Variants in RBFOX1 observed in about 807,000 individuals in gnomAD.
RBFOX1 encodes RNA binding fox-1 homolog 1.
RBFOX1 carries 8 observed loss-of-function variants against 57.7 expected under a neutral mutation model. The ratio of observed to expected loss-of-function variants is 0.14; its 90% CI spans 0.08 to 0.25. RBFOX1 has a LOEUF of 0.25. Among genes scored for constraint, RBFOX1 ranks in the 10% least tolerant of loss-of-function variants. RBFOX1 has a pLI of 1.00. For synonymous variants in RBFOX1, 326 were observed against 222.4 expected (o/e 1.47, Z -4.15); for missense variants, 611 against 548.5 (o/e 1.11, Z -1.14).
At chr16:5,603,388 G>C (rs1408838791), downstream of RBFOX1, among the ~76,000 whole-genome samples, 1 of 148,300 alleles carries the variant, frequency 6.7e-6, no homozygotes, top group African/African-American at 2.5e-5. Flanking sequence ...CAGTCTCATA[G>C]CTAATGGGGA....
intron 9 of RBFOX1, among the ~76,000 whole-genome samples, chr16:7,603,773 G>C (rs1462508322): frequency 6.6e-6 from 1 of 152,182 alleles, no homozygotes; most frequent in African/African-American, 2.4e-5. Context: ...AAATAGTTTG[G>C]TTAATGGTTA....
intron 4 of RBFOX1, among the ~76,000 whole-genome samples, chr16:7,277,827 G>A (rs2095470122): frequency 6.6e-6 from 1 of 151,878 alleles, no homozygotes; most frequent in South Asian, 2.1e-4. Context: ...GTTAACATAA[G>A]AATTCCCACG....
intron 1 of RBFOX1, among the ~76,000 whole-genome samples, chr16:5,374,226 T>C (rs971640404): frequency 6.6e-6 from 1 of 152,250 alleles, no homozygotes. Context: ...GCGTGAGCCA[T>C]TGCACCTGGC....
At chr16:6,363,864 G>T (rs749548295) in intron 2 of RBFOX1, among the ~76,000 whole-genome samples, 1 of 152,138 alleles carries the variant, frequency 6.6e-6, no homozygotes, top group Non-Finnish European at 1.5e-5. Flanking sequence ...GGAAATGAAA[G>T]AGATGTTTTA....
At chr16:6,838,011 T>C (rs1452947862) in intron 3 of RBFOX1, among the ~76,000 whole-genome samples, 38 of 128,590 alleles carry the variant, frequency 3.0e-4, no homozygotes, top group Admixed American at 7.4e-4. Flanking sequence ...ACCACCCCTT[T>C]TTTTTTTTTT....
intron 3 of RBFOX1, among the ~76,000 whole-genome samples, chr16:6,750,148 C>T (rs2074637526): frequency 1.3e-5 from 2 of 152,110 alleles, no homozygotes; most frequent in South Asian, 4.1e-4. Flanking sequence ...CATTGAGTGG[C>T]ATGCTGGAGA....
intron 4 of RBFOX1, among the ~76,000 whole-genome samples, chr16:7,321,095 A>ATATACATATACG (rs1427124545): frequency 6.8e-6 from 1 of 146,452 alleles, no homozygotes; most frequent in Non-Finnish European, 1.5e-5. Context: ...ATACATATAC[A>ATATACATATACG]TATACATATA....
At chr16:7,614,747 A>G (rs181996291) in intron 10 of RBFOX1, 1 of 152,318 alleles carries the variant, frequency 6.6e-6, no homozygotes, top group African/African-American at 2.4e-5. Flanking sequence ...AACAACAGCA[A>G]GCCACTTGCA....
At chr16:6,798,433 G>C (rs1011059476) in intron 3 of RBFOX1, among the ~76,000 whole-genome samples, 11 of 152,188 alleles carry the variant, frequency 7.2e-5, no homozygotes, top group African/African-American at 2.2e-4. Flanking sequence ...TAGATAGGGA[G>C]AGACAGAGAG....
At chr16:5,688,214 G>A (rs1458140734) in intron 3 of RBFOX1, among the ~76,000 whole-genome samples, 2 of 152,210 alleles carry the variant, frequency 1.3e-5, no homozygotes, top group African/African-American at 2.4e-5. Context: ...TCACTTTGCT[G>A]CTAAGTAGAA....
At chr16:6,043,032 C>T (rs571600981) in intron 1 of RBFOX1, among the ~76,000 whole-genome samples, 2 of 144,950 alleles carry the variant, frequency 1.4e-5, no homozygotes, top group East Asian at 2.2e-4. Flanking sequence ...CACCAAGAAT[C>T]GCTTGAACCT....
At chr16:5,573,261 G>A (rs951643255) in intron 2 of RBFOX1, among the ~76,000 whole-genome samples, 1 of 152,138 alleles carries the variant, frequency 6.6e-6, no homozygotes, top group Non-Finnish European at 1.5e-5. Context: ...ATTGGCTGCT[G>A]GTGGGGACGC....
At chr16:5,651,074 A>G (rs1596590769) in intron 3 of RBFOX1, among the ~76,000 whole-genome samples, 2 of 16,850 alleles carry the variant, frequency 1.2e-4, no homozygotes, top group Middle Eastern at 0.045. Flanking sequence ...TTTTTTTGAG[A>G]CAGGGTCTCA....
intron 13 of RBFOX1, among the ~76,000 whole-genome samples, chr16:7,675,953 A>G (rs1252881592): frequency 3.3e-5 from 5 of 152,170 alleles, no homozygotes; most frequent in African/African-American, 1.2e-4. Flanking sequence ...TTGATCATCA[A>G]CGCTCCACTG....
chr16:5,693,766 C>T (rs180814770), intron 3 of RBFOX1, among the ~76,000 whole-genome samples: 114 of 152,272 alleles, frequency 7.5e-4, no homozygotes, highest in African/African-American at 2.6e-3. Context: ...ATTCTTTTTG[C>T]GTGGAATTCC....
intron 2 of RBFOX1, among the ~76,000 whole-genome samples, chr16:6,579,066 G>A (rs747672694): frequency 2.0e-5 from 3 of 152,060 alleles, no homozygotes; most frequent in Non-Finnish European, 4.4e-5. Flanking sequence ...AATAATTTTT[G>A]AAAATATTTG....
At chr16:6,751,684 C>A (rs1206246324) in intron 3 of RBFOX1, among the ~76,000 whole-genome samples, 1 of 152,270 alleles carries the variant, frequency 6.6e-6, no homozygotes, top group Admixed American at 6.5e-5. Flanking sequence ...TGGTTATCAT[C>A]AGCTTGCTGC....
intron 1 of RBFOX1, among the ~76,000 whole-genome samples, chr16:5,258,964 A>G (rs2062659252): frequency 6.6e-6 from 1 of 151,442 alleles, no homozygotes; most frequent in African/African-American, 2.4e-5. Flanking sequence ...AGCACACTCC[A>G]TTTCCCATCT....
chr16:6,213,056 A>G (rs533196891), intron 1 of RBFOX1, among the ~76,000 whole-genome samples: 1 of 152,334 alleles, frequency 6.6e-6, no homozygotes, highest in African/African-American at 2.4e-5. Context: ...GCTTTTAAAA[A>G]GTTAAGTCAC....
Sources: allele counts gnomAD v4.1 joint callset (sites outside exome capture counted in the v4.1 genomes callset), GRCh38; gene constraint gnomAD v4.1.1; transcripts MANE v1.5; gene names NCBI Gene and HGNC (gene_info 2026-07-23, HGNC 2026-07-21).